The following DENND2A variants were observed in gnomAD, a reference collection of about 807,000 sequenced individuals.
DENND2A encodes the protein DENN domain containing 2A.
Under a neutral mutation model 105.3 loss-of-function variants are expected in DENND2A, and 53 were observed. That is an observed-to-expected ratio of 0.50 (90% CI 0.40 to 0.63). DENND2A has a LOEUF of 0.63. Among genes scored for constraint, DENND2A ranks in the 30% least tolerant of loss-of-function variants. The pLI is 0.00. For missense variants in DENND2A, 1,138 were observed against 1,279.6 expected, an observed-to-expected ratio of 0.89 and a Z score of 1.69; for synonymous variants, 522 against 508.4, an observed-to-expected ratio of 1.03 and a Z score of -0.36.
chr7:140,591,346 T>C (rs1482610947), intron 3 of DENND2A, among the ~76,000 whole-genome samples: 1 of 152,198 alleles, frequency 6.6e-6, no homozygotes, highest in African/African-American at 2.4e-5. Flanking sequence ...GTTGCAAAAC[T>C]AATTTGCAAA....
At chr7:140,575,631 T>C (rs1021396449) in intron 5 of DENND2A, among the ~76,000 whole-genome samples, 7 of 152,308 alleles carry the variant, frequency 4.6e-5, no homozygotes, top group Admixed American at 2.6e-4. Flanking sequence ...AAACAAATTA[T>C]GATATACCCA....
At chr7:140,582,256 C>T (rs370295275) in intron 5 of DENND2A, among the ~76,000 whole-genome samples, 10 of 152,100 alleles carry the variant, frequency 6.6e-5, no homozygotes, top group Admixed American at 6.6e-5. Context: ...GGAGCCACCG[C>T]GCTTGGCCTG....
chr7:140,549,117 A>G (rs1797017364), intron 12 of DENND2A, among the ~76,000 whole-genome samples: 1 of 151,572 alleles, frequency 6.6e-6, no homozygotes, highest in Admixed American at 6.6e-5. Context: ...TCCCAGATAC[A>G]TGGGAGGCTG....
chr7:140,627,854 CAG>C (rs1336193936), intron 1 of DENND2A, among the ~76,000 whole-genome samples: 4 of 150,582 alleles, frequency 2.7e-5, no homozygotes, highest in East Asian at 3.9e-4. Flanking sequence ...TTTTTTAAGA[CAG>C]AGTTTCACTC....
At chr7:140,604,755 C>T (rs1799632197) in intron 2 of DENND2A, among the ~76,000 whole-genome samples, 2 of 152,326 alleles carry the variant, frequency 1.3e-5, no homozygotes, top group African/African-American at 4.8e-5. Flanking sequence ...GGACTTGAGA[C>T]TTGAATCCTG....
At chr7:140,638,267 C>T (rs1034123867) in intron 1 of DENND2A, among the ~76,000 whole-genome samples, 3 of 152,202 alleles carry the variant, frequency 2.0e-5, no homozygotes, top group African/African-American at 7.2e-5. Flanking sequence ...CAGCCAAATG[C>T]GTTATCCAAG....
At chr7:140,569,236 C>T (rs147078514) in intron 7 of DENND2A, among the ~76,000 whole-genome samples, 149 of 152,274 alleles carry the variant, frequency 9.8e-4, no homozygotes, top group African/African-American at 3.4e-3. Context: ...CTCTTGTTGT[C>T]TCTTTCAATG....
At chr7:140,547,324 C>G (rs1796949518) in intron 12 of DENND2A, among the ~76,000 whole-genome samples, 1 of 152,102 alleles carries the variant, frequency 6.6e-6, no homozygotes, top group South Asian at 2.1e-4. Context: ...TGGTTTGTAG[C>G]CCTCTAAGAG....
At chr7:140,541,024 T>C (rs1413743973) in intron 14 of DENND2A, among the ~76,000 whole-genome samples, 2 of 152,174 alleles carry the variant, frequency 1.3e-5, no homozygotes, top group South Asian at 2.1e-4. Flanking sequence ...GGCTGGCATT[T>C]CCAGGTTTCT....
At chr7:140,619,645 G>A (rs546186337) in intron 1 of DENND2A, among the ~76,000 whole-genome samples, 1 of 152,078 alleles carries the variant, frequency 6.6e-6, no homozygotes, top group South Asian at 2.1e-4. Context: ...GATTGCAAGC[G>A]TGCACCACCA....
intron 1 of DENND2A, among the ~76,000 whole-genome samples, chr7:140,607,834 C>G (rs1298822038): frequency 6.6e-6 from 1 of 152,196 alleles, no homozygotes; most frequent in Non-Finnish European, 1.5e-5. Context: ...TATGAGCCAG[C>G]AGCTCTCTTC....
At chr7:140,634,933 G>A (rs1275051641) in intron 1 of DENND2A, among the ~76,000 whole-genome samples, 1 of 150,758 alleles carries the variant, frequency 6.6e-6, no homozygotes, top group Non-Finnish European at 1.5e-5. Context: ...CTGAACTCCA[G>A]CCTGTGTGAC....
At chr7:140,537,912 A>G (rs1481799680) in intron 14 of DENND2A, among the ~76,000 whole-genome samples, 2 of 152,218 alleles carry the variant, frequency 1.3e-5, no homozygotes, top group Non-Finnish European at 2.9e-5. Flanking sequence ...TTAGTAAAGT[A>G]AAAAACAAAA....
intron 3 of DENND2A, among the ~76,000 whole-genome samples, chr7:140,588,766 CTTT>C (rs34456581): frequency 5.1e-5 from 7 of 136,826 alleles, no homozygotes; most frequent in Admixed American, 7.3e-5. Flanking sequence ...TTTTTTGGCA[CTTT>C]TTTTTTTTTT....
Position 140,640,416 on chromosome 7 carries a change from C to G in DENND2A, c.-248+88G>C, listed in dbSNP as rs1585814263. 1.3e-5 allele frequency: 2 copies of G among 152,528 alleles called. No homozygotes were observed. The highest frequency in any genetic ancestry group is 2.4e-5 in the African/African-American group (1 of 41,552). The allele number at this position is 152,528 out of a possible 1,614,324, so 9.4% of individuals were successfully genotyped here. ...CCGTCAGGGCTCAGGCCGCGCGAGC[C>G]GTTTCCTCCCTCCCCCGCGCGTCCC... On this transcript the variant is annotated intron_variant, in intron 1 of 19. Coordinates refer to ENST00000496613, the MANE Select transcript of DENND2A (RefSeq NM_015689.5). This position sits in a 1 kb window ranked among gnomAD's most constrained non-coding sequence, Gnocchi z 4.9.
rs1381408367 is a variant in DENND2A, at chr7:140,585,698, T to C, written c.1136A>G (p.Lys379Arg). Residue 379 changes from lysine to arginine, a missense_variant, in exon 5 of 20, where the codon AAG becomes AGG. By Grantham distance (26) the Lys-to-Arg change is conservative. Transcript: ENST00000496613. Reference sequence around the variant, plus strand: ...CTCGATGTCCTCATAAGGGTTCTCCTTCATTGGCGGATCTGTGTTCAAAGG... The same window carrying C: ...CTCGATGTCCTCATAAGGGTTCTCCCTCATTGGCGGATCTGTGTTCAAAGG... Reference protein sequence around the residue: ...VYEDILDPPMKENPYEDIELH... With the variant: ...VYEDILDPPMRENPYEDIELH... The C allele has an allele frequency of 6.2e-7, 1 of 1,614,210 alleles. No homozygotes were observed. The highest frequency in any genetic ancestry group is 2.2e-5 in the East Asian group (1 of 44,884).
At chr7:140,618,968 T>G (rs1800184670) in intron 1 of DENND2A, among the ~76,000 whole-genome samples, 1 of 152,114 alleles carries the variant, frequency 6.6e-6, no homozygotes, top group African/African-American at 2.4e-5. Context: ...CCAGCTAATT[T>G]TTTGTATTTT....
At chr7:140,621,690 A>C (rs1800298772) in intron 1 of DENND2A, among the ~76,000 whole-genome samples, 1 of 152,190 alleles carries the variant, frequency 6.6e-6, no homozygotes, top group South Asian at 2.1e-4. Context: ...GAGAAATGTA[A>C]AATAGATTAA....
At chr7:140,561,773 G>A (rs1006217567) in intron 9 of DENND2A, among the ~76,000 whole-genome samples, 3 of 150,840 alleles carry the variant, frequency 2.0e-5, no homozygotes, top group East Asian at 2.0e-4. Context: ...CCTCAGCCTC[G>A]CAGAATGTTG....
Sources: allele counts gnomAD v4.1 joint callset (sites outside exome capture counted in the v4.1 genomes callset), GRCh38; gene constraint gnomAD v4.1.1; non-coding constraint Gnocchi (gnomAD v3.1); transcripts MANE v1.5; gene names NCBI Gene and HGNC (gene_info 2026-07-23, HGNC 2026-07-21).